RUFY4: variants seen among roughly 807,000 people sequenced by gnomAD.
RUFY4 encodes the protein RUN and FYVE domain-containing protein 4.
In RUFY4, 73 loss-of-function variants were observed where a neutral mutation model predicts 69.0. The observed-to-expected ratio is 1.06, with a 90% CI of 0.88 to 1.29. The LOEUF (loss-of-function observed/expected upper bound fraction) is 1.29. Ranked by LOEUF, RUFY4 falls within the 50% of genes most tolerant of loss-of-function variation. The pLI, the probability that RUFY4 is intolerant of heterozygous loss-of-function variation, is 0.00. For synonymous variants in RUFY4, 287 were observed against 271.8 expected (o/e 1.06, Z -0.55); for missense variants, 770 against 705.6 (o/e 1.09, Z -1.03).
Position 218,072,902 on chromosome 2 carries a change from A to G in RUFY4, c.386+17A>G. On this transcript the variant is annotated intron_variant, in intron 4 of 10. Coordinates refer to ENST00000344321, the Ensembl canonical transcript of RUFY4. ...GCTCACCAGGTGGGGCTGTTGGGAC[A>G]TCCTCCTGCCGATGCCATCTGAGCC... 6.6e-7 allele frequency: 1 copy of G among 1,504,212 alleles called. No individual in the cohort carries two copies. 93.2% of individuals were successfully genotyped at this position (1,504,212 alleles called of 1,614,324 possible). A position where few individuals can be genotyped will look rare whatever the true frequency, so the allele number is the denominator to read the frequency against.
chr2:218,059,872 T>C (rs1189134232), intron 3 of RUFY4: 2 of 167,766 alleles, frequency 1.2e-5, no homozygotes, highest in African/African-American at 4.8e-5. Context: ...GGTAATTCTA[T>C]GTCTGATGTT....
At chr2:218,062,528 C>T (rs188115782) in intron 3 of RUFY4, among the ~76,000 whole-genome samples, 161 of 151,834 alleles carry the variant, frequency 1.1e-3, no homozygotes, top group African/African-American at 3.7e-3. Flanking sequence ...CTGGGCAACA[C>T]GGTGAAACCC....
At chr2:218,038,324 A>C (rs1025139320) in intron 2 of RUFY4, among the ~76,000 whole-genome samples, 2 of 152,116 alleles carry the variant, frequency 1.3e-5, no homozygotes, top group African/African-American at 4.8e-5. Flanking sequence ...TAAACATCTT[A>C]TTTGTGTTTA....
rs373662824 is a variant in RUFY4, at chr2:218,073,875, C to T, written c.590C>T (p.Ala197Val). ...AGGAGACCCAGAAAAAACAAAGATG[C>T]CCCAAAGAAGGTGCCTCTGCCCTGC... The change falls in exon 6 of 11, where the codon GCC (alanine) becomes GTC (valine). Residue 197 changes from alanine to valine, a missense_variant. Ala to Val is a moderately conservative substitution (Grantham distance 64, BLOSUM62 0). Transcript: ENST00000344321. 13 of 1,613,780 alleles carry T rather than the reference C, an allele frequency of 8.1e-6. No individual in the cohort carries two copies. In the African/African-American group the frequency reaches 9.3e-5, roughly 12 times the overall value.
exon 7 of RUFY4, chr2:218,075,525 C>T (rs1275212568): frequency 1.3e-6 from 2 of 1,554,048 alleles, no homozygotes; most frequent in Non-Finnish European, 1.7e-6. Flanking sequence ...CGTCCAGAGG[C>T]TGCTGATGCC....
At chr2:218,042,243 A>G (rs1052182027) in intron 2 of RUFY4, among the ~76,000 whole-genome samples, 45 of 152,236 alleles carry the variant, frequency 3.0e-4, no homozygotes, top group African/African-American at 1.1e-3. Flanking sequence ...CATCAACTAA[A>G]TAAATCAATA....
chr2:218,072,585 A>G, intron 3 of RUFY4, 86 bp downstream of exon 5: 13 of 1,494,762 alleles, frequency 8.7e-6, no homozygotes, highest in Non-Finnish European at 1.2e-5. Flanking sequence ...TCTACCGACC[A>G]TAGACCCCTC....
At chr2:218,077,590 C>T (rs12694425) in intron 8 of RUFY4, among the ~76,000 whole-genome samples, 65,040 of 152,038 alleles carry the variant, frequency 0.43, 14,329 homozygotes, top group Middle Eastern at 0.6. Flanking sequence ...CTGTGGTCTC[C>T]GGGTACGTCA....
chr2:218,071,346 A>T (rs1056467467), intron 2 of RUFY4, among the ~76,000 whole-genome samples: 1 of 151,726 alleles, frequency 6.6e-6, no homozygotes, highest in Non-Finnish European at 1.5e-5. Flanking sequence ...CCACCCTGCC[A>T]CTCATCTACT....
intron 2 of RUFY4, among the ~76,000 whole-genome samples, chr2:218,040,663 G>A (rs957088597): frequency 1.3e-5 from 2 of 152,104 alleles, no homozygotes; most frequent in African/African-American, 4.8e-5. Context: ...TTTGTGGGAA[G>A]AGGCTGACAG....
intron 3 of RUFY4, among the ~76,000 whole-genome samples, chr2:218,062,713 A>G (rs1234296623): frequency 1.3e-5 from 2 of 152,246 alleles, no homozygotes; most frequent in Non-Finnish European, 2.9e-5. Context: ...TCTGTCTCAA[A>G]AAAATAAAAT....
chr2:218,079,092 C>T (rs1037054203), intron 8 of RUFY4, among the ~76,000 whole-genome samples: 1 of 152,204 alleles, frequency 6.6e-6, no homozygotes, highest in Non-Finnish European at 1.5e-5. Flanking sequence ...TGGTCTCAAA[C>T]TCCTGACCTC....
intron 9 of RUFY4, among the ~76,000 whole-genome samples, chr2:218,085,348 C>CA (rs905587814): frequency 2.0e-5 from 3 of 151,500 alleles, no homozygotes; most frequent in South Asian, 4.2e-4. Context: ...CGACCCTAAG[C>CA]AAAAAACAAA....
intron 9 of RUFY4, 141 bp from the exon 12 acceptor site, chr2:218,089,111 C>G: frequency 3.1e-6 from 2 of 655,148 alleles, no homozygotes; most frequent in Non-Finnish European, 5.3e-6. Flanking sequence ...ATGTGATTCC[C>G]TCCATCACCC....
intron 3 of RUFY4, chr2:218,060,571 T>C: frequency 7.6e-7 from 1 of 1,315,322 alleles, no homozygotes; most frequent in Non-Finnish European, 1.1e-6. Flanking sequence ...CTCACAGGTC[T>C]CATTGGTCAT....
chr2:218,070,506 C>T lies in RUFY4; in HGVS notation c.-100C>T, dbSNP rs144456918. On this transcript the variant is annotated 5_prime_UTR_variant, in exon 1 of 11. Transcript: ENST00000344321. ...AGTCACTTTCCCTCTGTAGGCTCTG[C>T]GTCCTGCTTTGTGTAAGGAGAGAGC... is the stretch of plus-strand genomic sequence containing the variant. 52 of 1,029,374 alleles carry T rather than the reference C, an allele frequency of 5.1e-5. No individual in the cohort carries two copies. The East Asian group carries it at 6.0e-4, about 12-fold the overall frequency. 63.8% of individuals were successfully genotyped at this position (1,029,374 alleles called of 1,614,324 possible). A position where few individuals can be genotyped will look rare whatever the true frequency, so the allele number is the denominator to read the frequency against.
chr2:218,038,589 C>G (rs1376688607), intron 2 of RUFY4, among the ~76,000 whole-genome samples: 2 of 152,040 alleles, frequency 1.3e-5, no homozygotes. Context: ...TTGGAAGACC[C>G]CAAATTAGAT....
intron 2 of RUFY4, among the ~76,000 whole-genome samples, chr2:218,044,549 G>A (rs1054699717): frequency 6.6e-6 from 1 of 152,070 alleles, no homozygotes; most frequent in Non-Finnish European, 1.5e-5. Flanking sequence ...ATTAAGCCTA[G>A]TACCCATTAG....
intron 5 of RUFY4, among the ~76,000 whole-genome samples, 199 bp from the exon 8 acceptor site, chr2:218,073,617 C>T (rs1046210758): frequency 9.9e-5 from 15 of 152,010 alleles, no homozygotes; most frequent in African/African-American, 3.6e-4. Flanking sequence ...AGGTGGAGGG[C>T]TGGAGGATGA....
Sources: gnomAD v4.1 joint callset for allele counts (sites outside exome capture counted in the v4.1 genomes callset) on GRCh38, gnomAD v4.1.1 for gene constraint, MANE v1.5 for transcripts, NCBI Gene and HGNC (gene_info 2026-07-23, HGNC 2026-07-21) for gene names.